Variants in RIC1 observed in about 807,000 individuals in gnomAD.
RIC1 encodes the protein guanine nucleotide exchange factor subunit RIC1.
RIC1 carries 88 observed loss-of-function variants against 169.0 expected under a neutral mutation model. The ratio of observed to expected loss-of-function variants is 0.52; its 90% CI spans 0.44 to 0.62. The LOEUF (loss-of-function observed/expected upper bound fraction) is 0.62. Among genes scored for constraint, RIC1 ranks in the 20% least tolerant of loss-of-function variants. The pLI, the probability that RIC1 is intolerant of heterozygous loss-of-function variation, is 0.00. For missense variants in RIC1, 1,877 were observed against 1,725.5 expected, an observed-to-expected ratio of 1.09 and a Z score of -1.56; for synonymous variants, 790 against 601.5, an observed-to-expected ratio of 1.31 and a Z score of -4.59.
At chr9:5,734,931 CAT>C (rs1824608554) in intron 7 of RIC1, among the ~76,000 whole-genome samples, 1 of 152,172 alleles carries the variant, frequency 6.6e-6, no homozygotes, top group Non-Finnish European at 1.5e-5. Flanking sequence ...ATCTTTATCA[CAT>C]GAGATAATTA....
At chr9:5,737,728 T>C (rs193062608) in intron 7 of RIC1, among the ~76,000 whole-genome samples, 1 of 151,728 alleles carries the variant, frequency 6.6e-6, no homozygotes, top group East Asian at 1.9e-4. Context: ...TAACTACTAA[T>C]AGCATACTGT....
At chr9:5,680,934 C>A (rs1367599846) in intron 2 of RIC1, among the ~76,000 whole-genome samples, 1 of 144,602 alleles carries the variant, frequency 6.9e-6, no homozygotes, top group Non-Finnish European at 1.5e-5. Context: ...TCACGCCATT[C>A]TCCTGCCTCA....
At chr9:5,663,863 G>T (rs1819598852) in intron 2 of RIC1, among the ~76,000 whole-genome samples, 1 of 152,138 alleles carries the variant, frequency 6.6e-6, no homozygotes, top group Non-Finnish European at 1.5e-5. Flanking sequence ...ATACTAGTTG[G>T]TTATTTTGCA....
chr9:5,686,518 A>G (rs1418586323), intron 2 of RIC1, among the ~76,000 whole-genome samples: 2 of 151,762 alleles, frequency 1.3e-5, no homozygotes, highest in Admixed American at 6.6e-5. Context: ...TCAGTAAACT[A>G]TCACAAGAAC....
chr9:5,704,125 A>G (rs1421957498), intron 3 of RIC1, among the ~76,000 whole-genome samples: 1 of 151,942 alleles, frequency 6.6e-6, no homozygotes, highest in Non-Finnish European at 1.5e-5. Context: ...TTCCCTAATG[A>G]TTAATGACAT....
At position 5,756,275 on chromosome 9, in the gene RIC1, G is replaced by GC; in HGVS notation, c.1757dup (p.Glu587ArgfsTer6). On this transcript the variant is annotated frameshift_variant, in exon 16 of 26. Transcript: ENST00000414202. LOFTEE classifies it high-confidence loss of function. ...CTTTGCTCATGTCACCAAAGCACAA[G>GC]CAGAAACATTACTGCTTAGTGTCTT... 1 of 1,605,630 alleles carries GC rather than the reference G, an allele frequency of 6.2e-7. No individual in the cohort carries two copies. Among genetic ancestry groups the GC allele is most frequent in the Non-Finnish European group, 8.5e-7 (1 of 1,174,726 alleles).
chr9:5,637,718 C>G (rs1818040889), intron 1 of RIC1, among the ~76,000 whole-genome samples: 1 of 152,192 alleles, frequency 6.6e-6, no homozygotes, highest in Middle Eastern at 3.2e-3. Context: ...CGATGTTTGT[C>G]TCTCTATGCC....
intron 1 of RIC1, among the ~76,000 whole-genome samples, chr9:5,645,352 G>C (rs1235417656): frequency 6.6e-6 from 1 of 152,196 alleles, no homozygotes; most frequent in Non-Finnish European, 1.5e-5. Flanking sequence ...TTTTGTTTAA[G>C]TGGAATATTT....
intron 8 of RIC1, 148 bp downstream of exon 8, chr9:5,738,686 G>A (rs1824887643): frequency 2.2e-6 from 1 of 456,590 alleles, no homozygotes. Context: ...CTCAAGTCTG[G>A]AAATTGATTG....
At chr9:5,756,165 A>C in intron 15 of RIC1, 47 bp from the exon 16 acceptor site, 1 of 1,245,304 alleles carries the variant, frequency 8.0e-7, no homozygotes, top group Non-Finnish European at 1.1e-6. Context: ...GGTCATCCCT[A>C]GTAGTTATCT....
intron 3 of RIC1, among the ~76,000 whole-genome samples, chr9:5,704,042 G>GTT (rs71487827): frequency 2.7e-5 from 4 of 147,974 alleles, no homozygotes; most frequent in Admixed American, 6.7e-5. Flanking sequence ...TATTTTCTGG[G>GTT]TTTTTTTTTT....
Position 5,686,861 on chromosome 9 carries a change from A to G in RIC1, c.253-3098A>G, listed in dbSNP as rs1266243105. 2.0e-5 allele frequency among the ~76,000 whole-genome samples: 3 copies of G among 152,338 alleles called. No homozygotes were observed. In the East Asian group the frequency reaches 5.8e-4, roughly 29 times the overall value. On this transcript the variant is annotated intron_variant, in intron 2 of 25. Transcript: ENST00000414202. ...CTGGTTTTGTTATGAGGCCTCATAAAATGAGATAGGAAGTGGTTCCTTCTC... is the reference window on the plus strand; with the variant it reads ...CTGGTTTTGTTATGAGGCCTCATAAGATGAGATAGGAAGTGGTTCCTTCTC...
intron 1 of RIC1, among the ~76,000 whole-genome samples, chr9:5,638,519 G>C (rs1224919438): frequency 6.6e-6 from 1 of 152,144 alleles, no homozygotes; most frequent in Non-Finnish European, 1.5e-5. Context: ...CAATCTCACT[G>C]TTGTTAGTCT....
intron 22 of RIC1, 75 bp downstream of exon 22, chr9:5,769,331 T>G: frequency 6.2e-7 from 1 of 1,613,784 alleles, no homozygotes; most frequent in Non-Finnish European, 8.5e-7. Flanking sequence ...TTGCTATTAG[T>G]TGATATTCAA....
chr9:5,740,252 AT>A (rs1364871235), intron 8 of RIC1, among the ~76,000 whole-genome samples: 1 of 152,290 alleles, frequency 6.6e-6, no homozygotes, highest in African/African-American at 2.4e-5. Context: ...ATAACTCTAT[AT>A]AAACAGTTCA....
chr9:5,664,549 T>G (rs1819640269), intron 2 of RIC1, among the ~76,000 whole-genome samples: 1 of 152,228 alleles, frequency 6.6e-6, no homozygotes, highest in Non-Finnish European at 1.5e-5. Context: ...TTAACATTTT[T>G]CTTTCATTTT....
chr9:5,689,044 C>A, intron 2 of RIC1, among the ~76,000 whole-genome samples: 1 of 99,034 alleles, frequency 1.0e-5, no homozygotes, highest in East Asian at 3.2e-4. Context: ...AATACAATTT[C>A]TTTTTTTTTT....
At chr9:5,702,538 T>TTTTG (rs71487826) in intron 3 of RIC1, among the ~76,000 whole-genome samples, 5 of 79,342 alleles carry the variant, frequency 6.3e-5, no homozygotes, top group Non-Finnish European at 7.2e-5. Context: ...TTGTTTTTGT[T>TTTTG]TTTGTTTGTT....
chr9:5,747,882 C>G (rs1037305155), intron 12 of RIC1, among the ~76,000 whole-genome samples: 3 of 152,138 alleles, frequency 2.0e-5, no homozygotes, highest in Admixed American at 6.6e-5. Flanking sequence ...TCAGCTAGTA[C>G]TCTGTACAGC....
Sources: gnomAD v4.1 joint callset for allele counts (sites outside exome capture counted in the v4.1 genomes callset) on GRCh38, gnomAD v4.1.1 for gene constraint, MANE v1.5 for transcripts, NCBI Gene and HGNC (gene_info 2026-07-23, HGNC 2026-07-21) for gene names.